The following ASB5 variants were observed in gnomAD, a reference collection of about 807,000 sequenced individuals.
ASB5 encodes ankyrin repeat and SOCS box containing 5.
In ASB5, 45 loss-of-function variants were observed where a neutral mutation model predicts 42.1. The ratio of observed to expected loss-of-function variants is 1.07; its 90% confidence interval spans 0.84 to 1.37. ASB5 has a LOEUF of 1.37. Among genes scored for constraint, ASB5 ranks in the 40% most tolerant of loss-of-function variants. The probability of loss-of-function intolerance (pLI) is 0.00; values close to 1 mark genes in which losing one functional copy is unlikely to be tolerated. For synonymous variants in ASB5, 147 were observed against 150.6 expected, an observed-to-expected ratio of 0.98 and a Z score of 0.18; for missense variants, 402 against 399.8, an observed-to-expected ratio of 1.01 and a Z score of -0.05.
Position 176,219,584 on chromosome 4 carries a change from AT to A in ASB5, c.670+1570del. ...ATGTATATATTTGTATGATATATAT[AT>A]ATATATATATATATATATATATATA... On this transcript the variant is annotated intron_variant, in intron 5 of 6. Transcript: ENST00000296525. Among the ~76,000 whole-genome samples, 357 of 49,032 alleles carry A rather than the reference AT, an allele frequency of 7.3e-3. 94 individuals are homozygous for A. The highest frequency in any genetic ancestry group is 0.011 in the Non-Finnish European group (242 of 21,682). The allele number at this position is 49,032 out of a possible 152,430, so 32.2% of individuals were successfully genotyped here.
intron 2 of ASB5, chr4:176,275,748 C>G (rs1286405433): frequency 6.6e-6 from 1 of 152,188 alleles, no homozygotes; most frequent in African/African-American, 2.4e-5. Context: ...TAGTCATGCA[C>G]TAGCTGGTAA....
chr4:176,264,221 G>A (rs1340770149), intron 1 of ASB5, among the ~76,000 whole-genome samples: 1 of 152,164 alleles, frequency 6.6e-6, no homozygotes, highest in African/African-American at 2.4e-5. Flanking sequence ...CAGCCTCACA[G>A]AGACACGTTA....
intron 5 of ASB5, among the ~76,000 whole-genome samples, chr4:176,218,569 T>C (rs1425459341): frequency 6.5e-5 from 6 of 92,090 alleles, no homozygotes; most frequent in African/African-American, 2.5e-4. Flanking sequence ...ATTTGTATGA[T>C]ATATAAATAT....
At chr4:176,273,987 C>T (rs1754520690), upstream of ASB5, among the ~76,000 whole-genome samples, 1 of 152,108 alleles carries the variant, frequency 6.6e-6, no homozygotes, top group African/African-American at 2.4e-5. Flanking sequence ...TATCTCCCGG[C>T]TCTCGAGAAG....
At chr4:176,229,251 A>T (rs1296363725) in intron 1 of ASB5, among the ~76,000 whole-genome samples, 1 of 152,230 alleles carries the variant, frequency 6.6e-6, no homozygotes, top group African/African-American at 2.4e-5. Context: ...ACTAGTTAAC[A>T]GGAAAATTAA....
At chr4:176,222,715 T>G (rs1250628056) in intron 2 of ASB5, among the ~76,000 whole-genome samples, 2 of 152,086 alleles carry the variant, frequency 1.3e-5, no homozygotes, top group African/African-American at 4.8e-5. Flanking sequence ...TTTTTTATCC[T>G]TATTTTGTAC....
In ASB5 at chr4:176,256,230, T is replaced by C. The variant is rs369788530; in HGVS notation, c.196+12683A>G. Reference sequence around the variant, plus strand: ...CTGCCTACATCACATAGGAGAAAGCTAGCATCTCAGATCTTGCAACTAAGA... The same window carrying C: ...CTGCCTACATCACATAGGAGAAAGCCAGCATCTCAGATCTTGCAACTAAGA... On this transcript the variant is annotated intron_variant, in intron 1 of 6. Transcript: ENST00000296525. 3.3e-5 allele frequency among the ~76,000 whole-genome samples: 5 copies of C among 152,236 alleles called. No homozygotes were observed. In the East Asian group the frequency reaches 7.7e-4, roughly 23 times the overall value.
intron 1 of ASB5, chr4:176,277,149 A>G (rs1199619334): frequency 6.6e-6 from 1 of 152,198 alleles, no homozygotes; most frequent in Non-Finnish European, 1.5e-5. Context: ...CAGCCCCGCA[A>G]CTGGTGAGCC....
upstream of ASB5, among the ~76,000 whole-genome samples, chr4:176,269,474 T>C (rs1204935347): frequency 6.6e-6 from 1 of 152,194 alleles, no homozygotes; most frequent in African/African-American, 2.4e-5. Flanking sequence ...TGTATGGGGT[T>C]CCCATTGTTA....
chr4:176,259,430 C>G (rs1448790048), intron 1 of ASB5, among the ~76,000 whole-genome samples: 3 of 152,192 alleles, frequency 2.0e-5, no homozygotes, highest in South Asian at 4.1e-4. Context: ...GCACATAAAT[C>G]TCCTCAGTGG....
intron 1 of ASB5, among the ~76,000 whole-genome samples, chr4:176,246,252 TG>T (rs1374807986): frequency 6.6e-6 from 1 of 152,174 alleles, no homozygotes; most frequent in Non-Finnish European, 1.5e-5. Context: ...AGACTATTTA[TG>T]GGTCAAGAGA....
chr4:176,252,742 A>G (rs904522737), intron 1 of ASB5, among the ~76,000 whole-genome samples: 1 of 152,232 alleles, frequency 6.6e-6, no homozygotes, highest in Non-Finnish European at 1.5e-5. Flanking sequence ...CTGTTTTGTA[A>G]TATAAAGAAA....
chr4:176,222,227 T>C, intron 3 of ASB5, 86 bp downstream of exon 3: 1 of 1,225,752 alleles, frequency 8.2e-7, no homozygotes, highest in Non-Finnish European at 1.2e-6. Context: ...CTACCGAGAA[T>C]GAAGGAAAGA....
At position 176,221,201 on chromosome 4, in the gene ASB5, A is replaced by C. The variant is rs142765630; in HGVS notation, c.624T>G (p.Ala208=). 3 of 1,614,048 alleles carry C rather than the reference A, an allele frequency of 1.9e-6. No individual in the cohort carries two copies. The highest frequency in any genetic ancestry group is 2.5e-6 in the Non-Finnish European group (3 of 1,180,026). The change falls in exon 5 of 7, where the codon GCT becomes GCG. Residue 208 remains alanine, a synonymous_variant. Coordinates refer to ENST00000296525, the MANE Select transcript of ASB5 (RefSeq NM_080874.4). ...IPHLGTPLYV[A]CMSQQFHCIW... ...TGCAATGGAATTGCTGTGACATACA[A>C]GCTACATAGAGAGGAGTTCCCAAAT...
chr4:176,234,489 C>T (rs576086339), intron 1 of ASB5, among the ~76,000 whole-genome samples: 2 of 152,198 alleles, frequency 1.3e-5, no homozygotes, highest in African/African-American at 4.8e-5. Flanking sequence ...CCTGTCCCTT[C>T]CCCAACATTC....
chr4:176,231,504 A>G (rs1436249191), intron 1 of ASB5, among the ~76,000 whole-genome samples: 3 of 151,780 alleles, frequency 2.0e-5, no homozygotes, highest in African/African-American at 7.3e-5. Flanking sequence ...GTCCATGGCC[A>G]TGGAAAAACC....
At chr4:176,271,356 T>G (rs1444176263), upstream of ASB5, among the ~76,000 whole-genome samples, 2 of 152,190 alleles carry the variant, frequency 1.3e-5, no homozygotes, top group East Asian at 3.8e-4. Context: ...TATGAACAAC[T>G]CTGTTAATAC....
intron 1 of ASB5, among the ~76,000 whole-genome samples, chr4:176,254,511 T>A (rs1754109404): frequency 6.7e-6 from 1 of 150,092 alleles, no homozygotes; most frequent in African/African-American, 2.5e-5. Flanking sequence ...TGAAAGACTT[T>A]ATGACTAAGC....
At position 176,222,221 on chromosome 4, in the gene ASB5, C is replaced by G. The variant is rs189858107; in HGVS notation, c.384+92G>C. ...TTATTCTGCTATTTTTGAAAACTAC[C>G]GAGAATGAAGGAAAGAAAAGTAAAA... On this transcript the variant is annotated intron_variant, in intron 3 of 6. Coordinates refer to ENST00000296525, the MANE Select transcript of ASB5 (RefSeq NM_080874.4). 1.8e-4 allele frequency: 211 copies of G among 1,165,698 alleles called. No individual in the cohort carries two copies. In the African/African-American group the frequency reaches 3.2e-3, roughly 18 times the overall value. 72.2% of individuals were successfully genotyped at this position (1,165,698 alleles called of 1,614,324 possible).
Sources: gnomAD v4.1 joint callset for allele counts (sites outside exome capture counted in the v4.1 genomes callset) on GRCh38, gnomAD v4.1.1 for gene constraint, MANE v1.5 for transcripts, NCBI Gene and HGNC (gene_info 2026-07-23, HGNC 2026-07-21) for gene names.